Variants in PCLO observed in about 807,000 individuals in gnomAD.
PCLO encodes protein piccolo.
A neutral mutation model predicts 427.5 loss-of-function variants in PCLO; 82 were observed. The ratio of observed to expected loss-of-function variants is 0.19; its 90% CI spans 0.16 to 0.23. PCLO has a LOEUF of 0.23. Among genes scored for constraint, PCLO ranks in the 10% least tolerant of loss-of-function variants. The pLI is 1.00. For missense variants in PCLO, 6,239 were observed against 6,115.9 expected, an observed-to-expected ratio of 1.02 and a Z score of -0.67; for synonymous variants, 2,357 against 2,155.4, an observed-to-expected ratio of 1.09 and a Z score of -2.59.
At chr7:83,030,957 G>A (rs774239941) in intron 3 of PCLO, among the ~76,000 whole-genome samples, 1 of 152,132 alleles carries the variant, frequency 6.6e-6, no homozygotes, top group Admixed American at 6.6e-5. Context: ...AATATCAATA[G>A]TGGATGAATT....
chr7:82,861,831 G>A (rs1274011370), intron 10 of PCLO, among the ~76,000 whole-genome samples: 3 of 151,890 alleles, frequency 2.0e-5, no homozygotes, highest in Admixed American at 1.3e-4. Flanking sequence ...ATTTTGGAAA[G>A]TATTCAAATA....
intron 3 of PCLO, among the ~76,000 whole-genome samples, chr7:83,099,150 A>C (rs1790669299): frequency 6.6e-6 from 1 of 151,170 alleles, no homozygotes; most frequent in Admixed American, 6.6e-5. Context: ...TCTCTTCTGT[A>C]GACAAAGGAA....
At chr7:83,093,462 A>ATGTGTGTGTGTG (rs199740692) in intron 3 of PCLO, among the ~76,000 whole-genome samples, 1,861 of 93,202 alleles carry the variant, frequency 0.02, 59 homozygotes, top group African/African-American at 0.043. Flanking sequence ...AAACATATAT[A>ATGTGTGTGTGTG]TGTGTGTGTG....
chr7:82,965,743 T>C, intron 4 of PCLO, 28 bp downstream of exon 4: 1 of 1,452,130 alleles, frequency 6.9e-7, no homozygotes, highest in Non-Finnish European at 9.4e-7. Flanking sequence ...CACATGAGAG[T>C]GTGAGAAGTT....
At chr7:83,023,892 A>G (rs1313634562) in intron 3 of PCLO, among the ~76,000 whole-genome samples, 2 of 152,240 alleles carry the variant, frequency 1.3e-5, no homozygotes, top group African/African-American at 4.8e-5. Flanking sequence ...TTGAAATTCC[A>G]ATAGCCATTC....
At chr7:83,013,250 T>C (rs1405267347) in intron 3 of PCLO, among the ~76,000 whole-genome samples, 2 of 152,182 alleles carry the variant, frequency 1.3e-5, no homozygotes, top group South Asian at 2.1e-4. Flanking sequence ...ATTAATAATA[T>C]AAGTTTTACA....
At chr7:83,120,532 C>G (rs1379255711) in intron 3 of PCLO, among the ~76,000 whole-genome samples, 2 of 151,642 alleles carry the variant, frequency 1.3e-5, no homozygotes, top group Non-Finnish European at 2.9e-5. Context: ...AAGACTATCT[C>G]AAGACATTTA....
At chr7:83,070,619 C>T (rs1438621957) in intron 3 of PCLO, among the ~76,000 whole-genome samples, 1 of 152,144 alleles carries the variant, frequency 6.6e-6, no homozygotes, top group Non-Finnish European at 1.5e-5. Flanking sequence ...CATCTCCTGA[C>T]CTTGTGATCC....
chr7:82,916,890 A>C lies in PCLO; in HGVS notation c.11113-17T>G. 6.4e-7 allele frequency: 1 copy of C among 1,559,160 alleles called. No homozygotes were observed. Among genetic ancestry groups the C allele is most frequent in the Non-Finnish European group, 8.7e-7 (1 of 1,143,584 alleles). On this transcript the variant is annotated splice_polypyrimidine_tract_variant and intron_variant, in intron 6 of 24. Transcript: ENST00000333891. ...ACCTTTAGTCTATAATCAAGTAAAC[A>C]AAATATAGTACTTTAGTATAAAGAA... is the stretch of plus-strand genomic sequence containing the variant.
In PCLO at chr7:82,954,468, A is replaced by G; in HGVS notation, c.6485T>C (p.Leu2162Pro). ...EIQEIIAHES[L>P]ILTYSEPSES... ...TGAAGGCTCCGAGTAGGTCAAAATC[A>G]GCGATTCATGGGCAATTATCTCTTG... Residue 2162 changes from leucine to proline, a missense_variant, in exon 5 of 25, where the codon CTG becomes CCG. Transcript: ENST00000333891. The G allele has an allele frequency of 6.2e-7, 1 of 1,614,004 alleles. No homozygotes were observed. The highest frequency in any genetic ancestry group is 8.5e-7 in the Non-Finnish European group (1 of 1,179,860).
chr7:83,147,293 CTTTAA>C (rs754507878), intron 2 of PCLO, among the ~76,000 whole-genome samples: 4 of 151,968 alleles, frequency 2.6e-5, no homozygotes, highest in South Asian at 2.1e-4. Flanking sequence ...AATTATATTT[CTTTAA>C]TTTAATTAGA....
intron 22 of PCLO, among the ~76,000 whole-genome samples, chr7:82,799,903 A>G (rs1019116133): frequency 3.3e-5 from 5 of 152,094 alleles, no homozygotes; most frequent in Non-Finnish European, 7.4e-5. Flanking sequence ...CGAGTATATC[A>G]TCAATTGCTA....
At chr7:82,800,213 C>T (rs527609615) in intron 22 of PCLO, among the ~76,000 whole-genome samples, 3 of 152,176 alleles carry the variant, frequency 2.0e-5, no homozygotes, top group South Asian at 4.1e-4. Context: ...CACTTAAGCC[C>T]CTGAGAAAAC....
intron 2 of PCLO, 94 bp downstream of exon 2, chr7:83,154,654 T>A: frequency 1.1e-6 from 1 of 914,744 alleles, no homozygotes; most frequent in Non-Finnish European, 1.7e-6. Flanking sequence ...AGAAAGACAA[T>A]GCCATCATGT....
At chr7:83,067,755 C>G (rs1285013729) in intron 3 of PCLO, among the ~76,000 whole-genome samples, 3 of 152,180 alleles carry the variant, frequency 2.0e-5, no homozygotes, top group Non-Finnish European at 4.4e-5. Context: ...GATGCATCAT[C>G]TTTATACCTT....
intron 10 of PCLO, among the ~76,000 whole-genome samples, chr7:82,854,307 G>T (rs925290130): frequency 6.6e-6 from 1 of 151,896 alleles, no homozygotes; most frequent in African/African-American, 2.4e-5. Context: ...TCTAAATTTG[G>T]TTTAAATCTA....
intron 3 of PCLO, among the ~76,000 whole-genome samples, chr7:82,977,698 G>C (rs767419203): frequency 3.9e-4 from 60 of 152,258 alleles, no homozygotes; most frequent in Non-Finnish European, 7.2e-4. Context: ...ACAGGCGTGA[G>C]CCACTGCACC....
intron 22 of PCLO, among the ~76,000 whole-genome samples, chr7:82,785,686 C>G (rs1790970861): frequency 6.6e-6 from 1 of 151,936 alleles, no homozygotes; most frequent in African/African-American, 2.4e-5. Context: ...CAGATAGGTT[C>G]TTGAAAAAGT....
Position 83,065,498 on chromosome 7 carries a change from T to TAA in PCLO, c.3300+68750_3300+68751dup, listed in dbSNP as rs780514400. Among the ~76,000 whole-genome samples, 414 of 104,162 alleles carry TAA rather than the reference T, an allele frequency of 4.0e-3. 3 individuals are homozygous for TAA. Among genetic ancestry groups the TAA allele is most frequent in the African/African-American group, 0.013 (362 of 28,858 alleles). 68.3% of individuals were successfully genotyped at this position (104,162 alleles called of 152,430 possible). On this transcript the variant is annotated intron_variant, in intron 3 of 24. Transcript: ENST00000333891. ...CTTTCCAAAAATGCAGCTCAAAATG[T>TAA]AAAAAAAAAAAAAAAAAGCAAGTAC...
Sources: gnomAD v4.1 joint callset for allele counts (sites outside exome capture counted in the v4.1 genomes callset) on GRCh38, gnomAD v4.1.1 for gene constraint, MANE v1.5 for transcripts, NCBI Gene and HGNC (gene_info 2026-07-23, HGNC 2026-07-21) for gene names.